BAALC: variants seen among roughly 807,000 people sequenced by gnomAD.
BAALC encodes the protein BAALC binder of MAP3K1 and KLF4.
In BAALC, 9 loss-of-function variants were observed where a neutral mutation model predicts 15.5. The ratio of observed to expected loss-of-function variants is 0.58; its 90% CI spans 0.35 to 1.02. The LOEUF (loss-of-function observed/expected upper bound fraction) is 1.02, where lower values mean the gene tolerates loss of function less well. BAALC is among the 50% of genes least tolerant of loss of function. The probability of loss-of-function intolerance (pLI) is 0.02; values close to 1 mark genes in which losing one functional copy is unlikely to be tolerated. For synonymous variants in BAALC, 80 were observed against 74.6 expected, an observed-to-expected ratio of 1.07 and a Z score of -0.37; for missense variants, 201 against 192.4, an observed-to-expected ratio of 1.04 and a Z score of -0.27.
At position 103,144,359 on chromosome 8, in the gene BAALC, G is replaced by A. The variant is rs149446377; in HGVS notation, c.160+3302G>A. On this transcript the variant is annotated intron_variant, in intron 1 of 2. Coordinates refer to ENST00000309982, the MANE Select transcript of BAALC (RefSeq NM_024812.3). Reference sequence around the variant, plus strand: ...TTAATTTTTTAGATTTGACTGTTACGTAGGCTAGAATTTAAAAGCTAGCTG... The same window carrying A: ...TTAATTTTTTAGATTTGACTGTTACATAGGCTAGAATTTAAAAGCTAGCTG... Among the ~76,000 whole-genome samples the A allele has an allele frequency of 1.2e-3, 177 of 152,264 alleles. 2 individuals are homozygous for A. The highest frequency in any genetic ancestry group is 4.2e-3 in the African/African-American group (173 of 41,546).
chr8:103,213,821 T>C (rs1241793204), intron 2 of BAALC, among the ~76,000 whole-genome samples: 3 of 152,150 alleles, frequency 2.0e-5, no homozygotes, highest in South Asian at 2.1e-4. Flanking sequence ...CTAGGCTCCA[T>C]ACCCATTTTC....
At chr8:103,147,354 T>C (rs1810898173) in intron 1 of BAALC, among the ~76,000 whole-genome samples, 1 of 152,342 alleles carries the variant, frequency 6.6e-6, no homozygotes, top group African/African-American at 2.4e-5. Flanking sequence ...CACAATGGGA[T>C]GACGATAGTC....
chr8:103,220,888 G>A (rs1812661857), intron 2 of BAALC, among the ~76,000 whole-genome samples: 1 of 152,132 alleles, frequency 6.6e-6, no homozygotes, highest in South Asian at 2.1e-4. Flanking sequence ...AATCTCAGAA[G>A]CCATGTTTTT....
intron 1 of BAALC, among the ~76,000 whole-genome samples, chr8:103,154,182 C>T (rs72671371): frequency 0.086 from 13,076 of 152,142 alleles, 752 homozygotes; most frequent in Middle Eastern, 0.13. Context: ...CAGCATGTGC[C>T]GGGCTTTGCA....
At chr8:103,176,148 G>A (rs564058906) in intron 1 of BAALC, among the ~76,000 whole-genome samples, 2 of 152,250 alleles carry the variant, frequency 1.3e-5, no homozygotes, top group East Asian at 1.9e-4. Context: ...GCTGATCAAG[G>A]TGCTAACTTT....
intron 1 of BAALC, among the ~76,000 whole-genome samples, chr8:103,187,795 T>A (rs1252674911): frequency 1.3e-5 from 2 of 152,092 alleles, no homozygotes; most frequent in African/African-American, 4.8e-5. Context: ...CCTTAATCCC[T>A]AATGCAGATA....
chr8:103,168,517 T>C (rs2129931829), intron 1 of BAALC, among the ~76,000 whole-genome samples: 1 of 152,248 alleles, frequency 6.6e-6, no homozygotes, highest in South Asian at 2.1e-4. Flanking sequence ...GTTTGTTTTT[T>C]TTTTTTTAAT....
chr8:103,185,253 A>C (rs1811808423), intron 1 of BAALC, among the ~76,000 whole-genome samples: 1 of 151,794 alleles, frequency 6.6e-6, no homozygotes, highest in Admixed American at 6.6e-5. Flanking sequence ...AACCATTCCG[A>C]ACTCTCCCGA....
intron 1 of BAALC, among the ~76,000 whole-genome samples, chr8:103,145,754 C>G (rs961499329): frequency 6.6e-6 from 1 of 152,208 alleles, no homozygotes; most frequent in Non-Finnish European, 1.5e-5. Context: ...GTACCCAGCA[C>G]CTGGTACAGT....
chr8:103,182,584 A>G (rs1383942222), intron 1 of BAALC, among the ~76,000 whole-genome samples: 1 of 152,220 alleles, frequency 6.6e-6, no homozygotes. Flanking sequence ...AGAGGTTTCC[A>G]TCCTCACAGT....
intron 1 of BAALC, among the ~76,000 whole-genome samples, chr8:103,178,250 G>C (rs1460733127): frequency 2.6e-5 from 4 of 152,230 alleles, no homozygotes; most frequent in African/African-American, 9.6e-5. Flanking sequence ...GAGAATATGA[G>C]AATGTGATTA....
intron 1 of BAALC, among the ~76,000 whole-genome samples, chr8:103,156,416 A>C (rs866685569): frequency 6.6e-6 from 1 of 152,210 alleles, no homozygotes; most frequent in Non-Finnish European, 1.5e-5. Flanking sequence ...ATATGGCATC[A>C]CGCAGAGTAA....
At position 103,204,149 on chromosome 8, in the gene BAALC, T is replaced by C. The variant is rs550720621; in HGVS notation, c.161-8770T>C. Among the ~76,000 whole-genome samples the C allele has an allele frequency of 2.0e-5, 3 of 152,346 alleles. 1 individual carries two copies. The highest frequency in any genetic ancestry group is 7.2e-5 in the African/African-American group (3 of 41,586). Reference sequence around the variant, plus strand: ...TGTGAAGTGGTATATCCTTGTGGTTTTTGATATGCATTTCTTTGATAGCTA... The same window carrying C: ...TGTGAAGTGGTATATCCTTGTGGTTCTTGATATGCATTTCTTTGATAGCTA... On this transcript the variant is annotated intron_variant, in intron 1 of 2. Coordinates refer to ENST00000309982, the MANE Select transcript of BAALC (RefSeq NM_024812.3).
intron 1 of BAALC, among the ~76,000 whole-genome samples, chr8:103,184,391 CA>C (rs1374726234): frequency 1.3e-5 from 2 of 152,224 alleles, no homozygotes; most frequent in African/African-American, 4.8e-5. Context: ...TGTGCTAATA[CA>C]CAGAGAGCTT....
chr8:103,144,951 C>T (rs892726094), intron 1 of BAALC, among the ~76,000 whole-genome samples: 1 of 152,168 alleles, frequency 6.6e-6, no homozygotes, highest in Non-Finnish European at 1.5e-5. Flanking sequence ...CTATAGCCAC[C>T]CTCCTTTTAC....
In BAALC at chr8:103,228,803, C is replaced by T. The variant is rs1409872287; in HGVS notation, c.*704C>T. On this transcript the variant is annotated 3_prime_UTR_variant, in exon 3 of 3. Coordinates refer to ENST00000309982, the MANE Select transcript of BAALC (RefSeq NM_024812.3). ...CTATTCCAGTGTCCATGTTGGCCTC[C>T]AGTCCTTAATGTCACCATGCTTGTG... 1 of 152,306 alleles carries T rather than the reference C, an allele frequency of 6.6e-6. No homozygotes were observed. The highest frequency in any genetic ancestry group is 2.4e-5 in the African/African-American group (1 of 41,462). The allele number at this position is 152,306 out of a possible 1,614,324, so 9.4% of individuals were successfully genotyped here. A position where few individuals can be genotyped will look rare whatever the true frequency, so the allele number is the denominator to read the frequency against.
chr8:103,165,311 T>C (rs1811320129), intron 1 of BAALC, among the ~76,000 whole-genome samples: 1 of 152,174 alleles, frequency 6.6e-6, no homozygotes, highest in Non-Finnish European at 1.5e-5. Flanking sequence ...GCAGCAAGCG[T>C]TGCTAAACAC....
In BAALC at chr8:103,191,276, GGCTGACCACCTTCTCGGTGATGCATGA is replaced by G. The variant is rs1163308951; in HGVS notation, c.161-21638_161-21612del. On this transcript the variant is annotated intron_variant, in intron 1 of 2. Coordinates refer to ENST00000309982, the MANE Select transcript of BAALC (RefSeq NM_024812.3). ...ACAAAGAGTGGGGAACCACTTCTTA[GGCTGACCACCTTCTCGGTGATGCATGA>G]GCTGCGTGTTCTGATTTCTAGGACA... The G allele has an allele frequency of 2.6e-5, 4 of 152,072 alleles. No homozygotes were observed. The East Asian group carries it at 7.7e-4, about 29-fold the overall frequency. The allele number at this position is 152,072 out of a possible 1,614,324, so 9.4% of individuals were successfully genotyped here.
Position 103,212,758 on chromosome 8 carries a change from A to G in BAALC, c.161-161A>G, listed in dbSNP as rs1232951627. On this transcript the variant is annotated intron_variant, in intron 1 of 2. Transcript: ENST00000309982. ...TGTTTTAAAATCTCCTTTTTGTAAA[A>G]AGCATATATGTTCTTATAGAAAAGG... 2.6e-5 allele frequency among the ~76,000 whole-genome samples: 4 copies of G among 152,222 alleles called. No individual in the cohort carries two copies. In the East Asian group the frequency reaches 7.7e-4, roughly 29 times the overall value.
Sources: allele counts gnomAD v4.1 joint callset (sites outside exome capture counted in the v4.1 genomes callset), GRCh38; gene constraint gnomAD v4.1.1; transcripts MANE v1.5; gene names NCBI Gene and HGNC (gene_info 2026-07-23, HGNC 2026-07-21).